Variants in TMEM51 observed in about 807,000 individuals in gnomAD.
The protein encoded by TMEM51 is chromosome 1 open reading frame 72.
In TMEM51, 8 loss-of-function variants were observed where a neutral mutation model predicts 13.6. The observed-to-expected ratio is 0.59, with a 90% confidence interval of 0.35 to 1.07. The LOEUF (loss-of-function observed/expected upper bound fraction) is 1.07. TMEM51 is among the 50% of genes least tolerant of loss of function. The probability of loss-of-function intolerance (pLI) is 0.02; values close to 1 mark genes in which losing one functional copy is unlikely to be tolerated. For synonymous variants in TMEM51, 147 were observed against 144.4 expected (o/e 1.02, Z -0.13); for missense variants, 279 against 330.7 (o/e 0.84, Z 1.21).
chr1:15,168,691 G>A (rs1432505162), intron 1 of TMEM51: 19 of 1,304,350 alleles, frequency 1.5e-5, no homozygotes, highest in East Asian at 1.1e-4. Flanking sequence ...TAGAACACGC[G>A]TACTGTCTCT....
chr1:15,174,390 G>A (rs991197736), intron 1 of TMEM51, among the ~76,000 whole-genome samples: 3 of 152,182 alleles, frequency 2.0e-5, no homozygotes, highest in South Asian at 2.1e-4. Flanking sequence ...CTATGGACAC[G>A]CTGCCACCAC....
intron 1 of TMEM51, among the ~76,000 whole-genome samples, chr1:15,208,509 T>G (rs1321346472): frequency 6.6e-6 from 1 of 152,064 alleles, no homozygotes; most frequent in Non-Finnish European, 1.5e-5. Context: ...TGTGCACCTG[T>G]AATCCCAGGT....
intron 1 of TMEM51, chr1:15,192,429 T>C (rs1643941991): frequency 3.8e-6 from 1 of 263,368 alleles, no homozygotes; most frequent in Non-Finnish European, 6.8e-6. Flanking sequence ...AGTGCTACTT[T>C]TTTTCTTTCT....
intron 1 of TMEM51, among the ~76,000 whole-genome samples, chr1:15,182,740 G>A (rs892029451): frequency 6.6e-6 from 1 of 152,188 alleles, no homozygotes; most frequent in East Asian, 1.9e-4. Context: ...AGGCCAGCCT[G>A]ACAGAGGACA....
intron 2 of TMEM51, among the ~76,000 whole-genome samples, chr1:15,212,630 G>A (rs917885051): frequency 1.3e-5 from 2 of 152,136 alleles, no homozygotes; most frequent in East Asian, 1.9e-4. Context: ...TGGTAGAACC[G>A]GTGCATTCCT....
At chr1:15,210,671 C>T (rs1192142700) in intron 2 of TMEM51, 109 bp downstream of exon 2, 1 of 152,232 alleles carries the variant, frequency 6.6e-6, no homozygotes, top group East Asian at 1.9e-4. Context: ...GGGGCCAACC[C>T]CAGGGTCTAG....
At chr1:15,155,223 C>A (rs1168139831) in intron 1 of TMEM51, among the ~76,000 whole-genome samples, 1 of 150,390 alleles carries the variant, frequency 6.6e-6, no homozygotes, top group Non-Finnish European at 1.5e-5. Context: ...GGCTTCGGAG[C>A]TGACAGCTCT....
chr1:15,187,457 G>T (rs1430113730), intron 1 of TMEM51, among the ~76,000 whole-genome samples: 1 of 152,198 alleles, frequency 6.6e-6, no homozygotes, highest in Admixed American at 6.5e-5. Flanking sequence ...GAGGGCAGAG[G>T]GTGGTGATGC....
chr1:15,184,260 C>T (rs1279165391), intron 1 of TMEM51, among the ~76,000 whole-genome samples: 4 of 152,190 alleles, frequency 2.6e-5, no homozygotes, highest in Admixed American at 1.3e-4. Context: ...CTCTTGACCT[C>T]GTGATCCGCC....
intron 1 of TMEM51, among the ~76,000 whole-genome samples, chr1:15,182,022 G>C (rs935019708): frequency 6.6e-6 from 1 of 152,032 alleles, no homozygotes; most frequent in Non-Finnish European, 1.5e-5. Flanking sequence ...TTAGCTGGGC[G>C]TGGTGGTGTG....
At chr1:15,181,337 A>G (rs1488889729) in intron 1 of TMEM51, among the ~76,000 whole-genome samples, 3 of 152,208 alleles carry the variant, frequency 2.0e-5, no homozygotes, top group Non-Finnish European at 4.4e-5. Flanking sequence ...GTGGGGCTCC[A>G]GGTTGCAGTA....
chr1:15,197,742 A>G (rs1339344668), intron 1 of TMEM51, among the ~76,000 whole-genome samples: 1 of 152,104 alleles, frequency 6.6e-6, no homozygotes, highest in African/African-American at 2.4e-5. Flanking sequence ...TGGAAGGAGC[A>G]GCTAGTGAAG....
chr1:15,191,780 C>T, intron 1 of TMEM51: 6 of 300,356 alleles, frequency 2.0e-5, no homozygotes, highest in East Asian at 8.0e-5. Context: ...CTTTTTATTT[C>T]CAGCTGTTGA....
chr1:15,215,512 G>A, intron 3 of TMEM51, 81 bp downstream of exon 3: 2 of 1,300,098 alleles, frequency 1.5e-6, no homozygotes, highest in Non-Finnish European at 2.1e-6. Context: ...ACCTTTCCGT[G>A]GTGAAAAGAC....
intron 1 of TMEM51, among the ~76,000 whole-genome samples, chr1:15,205,499 T>C (rs529331973): frequency 1.3e-5 from 2 of 152,196 alleles, no homozygotes; most frequent in Non-Finnish European, 2.9e-5. Context: ...TGCATGCGTA[T>C]CTTCCTTCTC....
chr1:15,188,455 C>T (rs890543591), intron 1 of TMEM51, among the ~76,000 whole-genome samples: 1 of 152,230 alleles, frequency 6.6e-6, no homozygotes, highest in African/African-American at 2.4e-5. Context: ...GACATGGCCA[C>T]CACATCACCT....
At position 15,207,531 on chromosome 1, in the gene TMEM51, C is replaced by T. The variant is rs1400000226; in HGVS notation, c.-266-2959C>T. ...GGAGACTCAATCCAGATGTGCCTGGCTGTGATGGCCCCACTCAGGTCTCAG... is the reference window on the plus strand; with the variant it reads ...GGAGACTCAATCCAGATGTGCCTGGTTGTGATGGCCCCACTCAGGTCTCAG... On this transcript the variant is annotated intron_variant, in intron 1 of 3. Coordinates refer to ENST00000376008, the MANE Select transcript of TMEM51 (RefSeq NM_001136218.2). The surrounding 1 kb of genome is among the most constrained non-coding windows in gnomAD (Gnocchi z 4.6). 1.3e-5 allele frequency among the ~76,000 whole-genome samples: 2 copies of T among 152,198 alleles called. No homozygotes were observed. The highest frequency in any genetic ancestry group is 3.9e-4 in the East Asian group (2 of 5,190).
At chr1:15,169,696 C>T (rs986443659) in intron 1 of TMEM51, among the ~76,000 whole-genome samples, 1 of 152,142 alleles carries the variant, frequency 6.6e-6, no homozygotes, top group African/African-American at 2.4e-5. Flanking sequence ...CAAGGTTATA[C>T]AAGGGGAACA....
intron 1 of TMEM51, among the ~76,000 whole-genome samples, chr1:15,182,161 CAAATAAAT>C (rs56106721): frequency 0.027 from 3,826 of 139,516 alleles, 133 homozygotes; most frequent in African/African-American, 0.083. Flanking sequence ...AACTCCATCT[CAAATAAAT>C]AAATAAATAA....
Sources: gnomAD v4.1 joint callset for allele counts (sites outside exome capture counted in the v4.1 genomes callset) on GRCh38, gnomAD v4.1.1 for gene constraint, Gnocchi (gnomAD v3.1) non-coding constraint, MANE v1.5 for transcripts, NCBI Gene and HGNC (gene_info 2026-07-23, HGNC 2026-07-21) for gene names.